Variants in DGKG observed in about 807,000 individuals in gnomAD.
DGKG encodes the protein DAG kinase gamma.
Under a neutral mutation model 105.3 loss-of-function variants are expected in DGKG, and 78 were observed. That is an observed-to-expected ratio of 0.74 (90% confidence interval 0.62 to 0.89). The LOEUF (loss-of-function observed/expected upper bound fraction) is 0.89, where lower values mean the gene tolerates loss of function less well. Among genes scored for constraint, DGKG ranks in the 40% least tolerant of loss-of-function variants. The pLI is 0.00. For synonymous variants in DGKG, 346 were observed against 367.1 expected, an observed-to-expected ratio of 0.94 and a Z score of 0.66; for missense variants, 958 against 1,020.1, an observed-to-expected ratio of 0.94 and a Z score of 0.83.
At chr3:186,238,292 TAAAAAAAAAAAA>T (rs5855085) in intron 20 of DGKG, among the ~76,000 whole-genome samples, 1 of 81,268 alleles carries the variant, frequency 1.2e-5, no homozygotes, top group Admixed American at 1.6e-4. Flanking sequence ...TGACTCTTTC[TAAAAAAAAAAAA>T]AAAAAAAAAA....
intron 21 of DGKG, among the ~76,000 whole-genome samples, chr3:186,201,158 T>C (rs1185323926): frequency 7.2e-6 from 1 of 138,492 alleles, no homozygotes; most frequent in Non-Finnish European, 1.6e-5. Context: ...TCTTTCTTTC[T>C]TTTTTTTTTT....
At chr3:186,294,941 C>G (rs1270521130) in intron 5 of DGKG, among the ~76,000 whole-genome samples, 1 of 152,136 alleles carries the variant, frequency 6.6e-6, no homozygotes, top group Non-Finnish European at 1.5e-5. Context: ...CTTTCTGGTG[C>G]TCTGTGCATG....
intron 24 of DGKG, chr3:186,159,059 G>C (rs1346120270): frequency 4.8e-6 from 1 of 207,408 alleles, no homozygotes; most frequent in East Asian, 1.8e-4. Context: ...CATATATTTG[G>C]ATTTTCATTT....
intron 19 of DGKG, among the ~76,000 whole-genome samples, chr3:186,243,712 A>G (rs994228364): frequency 3.9e-5 from 6 of 152,146 alleles, no homozygotes; most frequent in African/African-American, 1.4e-4. Flanking sequence ...TAAACAGGCT[A>G]ATTGAGCCGG....
At chr3:186,287,397 A>T (rs1218201484) in intron 6 of DGKG, among the ~76,000 whole-genome samples, 1 of 152,224 alleles carries the variant, frequency 6.6e-6, no homozygotes, top group East Asian at 1.9e-4. Flanking sequence ...TATAAACACA[A>T]CAAGATTGAC....
intron 1 of DGKG, among the ~76,000 whole-genome samples, chr3:186,342,359 G>A (rs1193103398): frequency 6.6e-6 from 1 of 152,126 alleles, no homozygotes; most frequent in African/African-American, 2.4e-5. Context: ...AAGAAATGGA[G>A]GGTGGATTCT....
At chr3:186,272,472 G>T (rs765211713) in intron 10 of DGKG, 129 bp from the exon 11 acceptor site, 14 of 678,482 alleles carry the variant, frequency 2.1e-5, no homozygotes, top group Non-Finnish European at 3.7e-5. Flanking sequence ...GACACATGGG[G>T]CTGGTCTTGC....
rs1369720860 is a variant in DGKG, at chr3:186,160,691, ACTTTTGT to A, written c.2277+905_2277+911del. 3 of 985,280 alleles carry A rather than the reference ACTTTTGT, an allele frequency of 3.0e-6. No homozygotes were observed. The African/African-American group carries it at 5.2e-5, about 17-fold the overall frequency. The allele number at this position is 985,280 out of a possible 1,614,324, so 61.0% of individuals were successfully genotyped here. A position where few individuals can be genotyped will look rare whatever the true frequency, so the allele number is the denominator to read the frequency against. ...TAGAGTGAGGAAGCTTAGAAACTCCACTTTTGTCTTTTGAAATTTGCATAGCTGCAAT... is the reference window on the plus strand; with the variant it reads ...TAGAGTGAGGAAGCTTAGAAACTCCACTTTTGAAATTTGCATAGCTGCAAT... On this transcript the variant is annotated intron_variant, in intron 24 of 24. Transcript: ENST00000265022.
chr3:186,188,014 C>A lies in DGKG; in HGVS notation c.2095+188G>T, dbSNP rs146549789. On this transcript the variant is annotated intron_variant, in intron 22 of 24. Transcript: ENST00000265022. ...TGACAACTGACTGTCATTGAGGACACCCTTATTGTGAATTTTTGTCTTCTG... is the reference window on the plus strand; with the variant it reads ...TGACAACTGACTGTCATTGAGGACAACCTTATTGTGAATTTTTGTCTTCTG... Among the ~76,000 whole-genome samples the A allele has an allele frequency of 4.2e-3, 645 of 152,272 alleles. 2 individuals are homozygous for A. The highest frequency in any genetic ancestry group is 6.5e-3 in the Non-Finnish European group (440 of 68,026).
intron 22 of DGKG, among the ~76,000 whole-genome samples, chr3:186,186,765 G>A (rs890998080): frequency 2.0e-5 from 3 of 152,202 alleles, no homozygotes; most frequent in African/African-American, 7.2e-5. Context: ...GGACCCGTGA[G>A]CCCACAGGGG....
chr3:186,246,504 A>T (rs1720946860), intron 19 of DGKG, among the ~76,000 whole-genome samples: 1 of 152,214 alleles, frequency 6.6e-6, no homozygotes, highest in South Asian at 2.1e-4. Flanking sequence ...GGTCTAAGTC[A>T]CTTTGGCAAT....
intron 22 of DGKG, among the ~76,000 whole-genome samples, chr3:186,167,190 C>T (rs1716587835): frequency 6.6e-6 from 1 of 151,948 alleles, no homozygotes. Flanking sequence ...GGGAAAGGGG[C>T]TAGGATCTTG....
At chr3:186,351,422 C>T (rs1005488518) in intron 1 of DGKG, among the ~76,000 whole-genome samples, 1 of 152,106 alleles carries the variant, frequency 6.6e-6, no homozygotes, top group African/African-American at 2.4e-5. Context: ...AATACTGGTT[C>T]GAGGCCCCCT....
At chr3:186,336,358 C>A (rs973517516) in intron 1 of DGKG, among the ~76,000 whole-genome samples, 11 of 151,992 alleles carry the variant, frequency 7.2e-5, no homozygotes, top group Admixed American at 2.0e-4. Context: ...AGAAAAAGAT[C>A]CATGCATTCT....
chr3:186,280,800 T>A, intron 7 of DGKG, 56 bp from the exon 8 acceptor site: 1 of 1,493,244 alleles, frequency 6.7e-7, no homozygotes, highest in Admixed American at 1.7e-5. Context: ...GATGTGTCAT[T>A]AAGAGCCGAA....
chr3:186,332,346 C>T (rs2108652308), intron 1 of DGKG, among the ~76,000 whole-genome samples: 1 of 152,328 alleles, frequency 6.6e-6, no homozygotes, highest in South Asian at 2.1e-4. Flanking sequence ...GGAGAGTTCA[C>T]TCAGCTTCAC....
intron 20 of DGKG, among the ~76,000 whole-genome samples, chr3:186,237,054 G>A (rs2087548057): frequency 6.6e-6 from 1 of 152,172 alleles, no homozygotes; most frequent in African/African-American, 2.4e-5. Flanking sequence ...GCTGGTTTTT[G>A]GCTATCTGGA....
chr3:186,223,478 C>T (rs1351556596), intron 20 of DGKG, among the ~76,000 whole-genome samples: 2 of 152,032 alleles, frequency 1.3e-5, no homozygotes, highest in African/African-American at 4.8e-5. Flanking sequence ...CACGGTAAGT[C>T]GCTCCCTCCT....
chr3:186,280,622 C>T lies in DGKG; in HGVS notation c.669+48G>A, dbSNP rs372661457. The T allele has an allele frequency of 1.5e-4, 218 of 1,443,900 alleles. 1 individual carries two copies. Among genetic ancestry groups the T allele is most frequent in the African/African-American group, 9.2e-4 (66 of 71,590 alleles). 89.4% of individuals were successfully genotyped at this position (1,443,900 alleles called of 1,614,324 possible). On this transcript the variant is annotated intron_variant, in intron 8 of 24. Transcript: ENST00000265022. ...TCATGTCTTGAGTGTGTCCCCCTCC[C>T]GTCTTAGAAGCTCACTCCAAAGCCA...
Sources: allele counts gnomAD v4.1 joint callset (sites outside exome capture counted in the v4.1 genomes callset), GRCh38; gene constraint gnomAD v4.1.1; transcripts MANE v1.5; gene names NCBI Gene and HGNC (gene_info 2026-07-23, HGNC 2026-07-21).